GCNT2: variants seen among roughly 807,000 people sequenced by gnomAD.
GCNT2 encodes the protein glucosaminyl (N-acetyl) transferase 2 (I blood group).
Under a neutral mutation model 34.2 loss-of-function variants are expected in GCNT2, and 34 were observed. The ratio of observed to expected loss-of-function variants is 1.00; its 90% CI spans 0.76 to 1.32. GCNT2 has a LOEUF of 1.32. Ranked by LOEUF, GCNT2 falls within the 40% of genes most tolerant of loss-of-function variation. The pLI, the probability that GCNT2 is intolerant of heterozygous loss-of-function variation, is 0.00. For synonymous variants in GCNT2, 212 were observed against 188.0 expected, an observed-to-expected ratio of 1.13 and a Z score of -1.04; for missense variants, 584 against 489.4, an observed-to-expected ratio of 1.19 and a Z score of -1.82.
At chr6:10,593,740 C>T (rs748680455) in intron 3 of GCNT2, among the ~76,000 whole-genome samples, 100 of 152,266 alleles carry the variant, frequency 6.6e-4, no homozygotes, top group Non-Finnish European at 1.2e-3. Flanking sequence ...ATGTATATAT[C>T]AATGTCCATA....
intron 3 of GCNT2, among the ~76,000 whole-genome samples, chr6:10,566,834 A>G (rs1235948789): frequency 2.0e-5 from 3 of 152,250 alleles, no homozygotes; most frequent in African/African-American, 7.2e-5. Flanking sequence ...GGTGTTGGCC[A>G]TGCTACTCTG....
At chr6:10,554,969 T>G (rs974012388) in intron 3 of GCNT2, among the ~76,000 whole-genome samples, 2 of 152,206 alleles carry the variant, frequency 1.3e-5, no homozygotes, top group Admixed American at 6.5e-5. Context: ...GAGTTCAGGG[T>G]GCCCCTGAAT....
chr6:10,556,849 A>T (rs1259272670), intron 3 of GCNT2: 16 of 1,614,092 alleles, frequency 9.9e-6, no homozygotes, highest in Non-Finnish European at 1.4e-5. Flanking sequence ...AGCAACTATT[A>T]AGCTGCTTCC....
intron 3 of GCNT2, chr6:10,573,385 T>A: frequency 2.7e-6 from 2 of 732,790 alleles, no homozygotes; most frequent in African/African-American, 1.9e-5. Context: ...CATTTAGTGT[T>A]AACAGCTGGG....
intron 3 of GCNT2, chr6:10,586,338 A>G: frequency 6.2e-7 from 1 of 1,614,056 alleles, no homozygotes; most frequent in Non-Finnish European, 8.5e-7. Context: ...CTTTAGGGCT[A>G]TCTATATGCC....
chr6:10,591,420 T>C (rs368847028), intron 3 of GCNT2, among the ~76,000 whole-genome samples: 14 of 152,220 alleles, frequency 9.2e-5, no homozygotes, highest in Middle Eastern at 6.8e-3. Flanking sequence ...GGCCAACAAA[T>C]GATATCAGTA....
intron 3 of GCNT2, among the ~76,000 whole-genome samples, chr6:10,577,288 A>T (rs1423194777): frequency 6.6e-6 from 1 of 152,206 alleles, no homozygotes; most frequent in Non-Finnish European, 1.5e-5. Flanking sequence ...CTCTGCACTC[A>T]GACGCCTCCC....
chr6:10,556,274 C>G (rs771693373), intron 3 of GCNT2: 93 of 1,492,238 alleles, frequency 6.2e-5, no homozygotes, highest in Non-Finnish European at 7.6e-5. Context: ...GCTGGACTCT[C>G]GGGATGAAAC....
At position 10,575,519 on chromosome 6, in the gene GCNT2, G is replaced by A. The variant is rs1428360828; in HGVS notation, c.925+45683G>A. Among the ~76,000 whole-genome samples the A allele has an allele frequency of 5.3e-5, 8 of 152,138 alleles. No homozygotes were observed. The East Asian group carries it at 7.7e-4, about 15-fold the overall frequency. On this transcript the variant is annotated intron_variant, in intron 3 of 4. Transcript: ENST00000495262. ...TAGGATTACAGGTGCCTGCCACCAC[G>A]CCCAGCTAATTTTTTTGTATTTTTA...
At chr6:10,536,195 A>G (rs914003270) in intron 3 of GCNT2, among the ~76,000 whole-genome samples, 9 of 152,174 alleles carry the variant, frequency 5.9e-5, no homozygotes, top group African/African-American at 2.2e-4. Flanking sequence ...CTGTGTGCAG[A>G]GGGAATTGAT....
chr6:10,594,843 T>TACC (rs1764784380), intron 3 of GCNT2, among the ~76,000 whole-genome samples: 1 of 151,080 alleles, frequency 6.6e-6, no homozygotes, highest in Admixed American at 6.6e-5. Flanking sequence ...TTCAGGTGGA[T>TACC]ACCAGTTCCT....
At chr6:10,530,704 C>G (rs498823) in intron 3 of GCNT2, among the ~76,000 whole-genome samples, 15,546 of 151,960 alleles carry the variant, frequency 0.1, 880 homozygotes, top group Middle Eastern at 0.15. Context: ...GACACTGTCT[C>G]TATTTTTTTT....
chr6:10,584,595 C>G (rs1205524999), intron 3 of GCNT2, among the ~76,000 whole-genome samples: 1 of 152,192 alleles, frequency 6.6e-6, no homozygotes, highest in Non-Finnish European at 1.5e-5. Context: ...CTGGACAATA[C>G]CCAGGCTTTC....
chr6:10,547,322 G>A (rs1762313745), intron 3 of GCNT2, among the ~76,000 whole-genome samples: 1 of 152,168 alleles, frequency 6.6e-6, no homozygotes, highest in Non-Finnish European at 1.5e-5. Flanking sequence ...CTATTCCAGT[G>A]TGCATGGTTA....
intron 3 of GCNT2, among the ~76,000 whole-genome samples, chr6:10,535,311 G>T (rs1421247213): frequency 1.3e-5 from 2 of 152,120 alleles, no homozygotes; most frequent in African/African-American, 4.8e-5. Context: ...ACAGAAAGGG[G>T]GTTCACATAT....
intron 3 of GCNT2, among the ~76,000 whole-genome samples, chr6:10,552,420 G>T (rs945595685): frequency 6.6e-6 from 1 of 151,726 alleles, no homozygotes; most frequent in African/African-American, 2.4e-5. Context: ...TGTTTCCCCA[G>T]ATCCTGAATC....
At chr6:10,524,674 C>A (rs1211771358) in intron 1 of GCNT2, among the ~76,000 whole-genome samples, 1 of 151,856 alleles carries the variant, frequency 6.6e-6, no homozygotes, top group Non-Finnish European at 1.5e-5. Context: ...CAAAATGATA[C>A]AAAAATTAGC....
intron 3 of GCNT2, among the ~76,000 whole-genome samples, chr6:10,536,798 G>T (rs1373079121): frequency 6.6e-6 from 1 of 151,104 alleles, no homozygotes; most frequent in African/African-American, 2.4e-5. Flanking sequence ...CCGTTTCCTG[G>T]GTTCAAGTAA....
rs1762697525 is a variant in GCNT2 at position 10,556,270 on chromosome 6, C to G, written c.925+26434C>G. On this transcript the variant is annotated intron_variant, in intron 3 of 4. Transcript: ENST00000495262. Reference sequence around the variant, plus strand: ...CACAGGGACAGAGACAGCAGCTGGACTCTCGGGATGAAACGGAATCGATTC... The same window carrying G: ...CACAGGGACAGAGACAGCAGCTGGAGTCTCGGGATGAAACGGAATCGATTC... 3.4e-6 allele frequency: 5 copies of G among 1,486,812 alleles called. No individual in the cohort carries two copies. The South Asian group carries it at 6.8e-5, about 20-fold the overall frequency. 92.1% of individuals were successfully genotyped at this position (1,486,812 alleles called of 1,614,324 possible).
Sources: gnomAD v4.1 joint callset for allele counts (sites outside exome capture counted in the v4.1 genomes callset) on GRCh38, gnomAD v4.1.1 for gene constraint, MANE v1.5 for transcripts, NCBI Gene and HGNC (gene_info 2026-07-23, HGNC 2026-07-21) for gene names.